The following ZNF429 variants were observed in gnomAD, a reference collection of about 807,000 sequenced individuals.
ZNF429 encodes the protein zinc finger protein 429.
ZNF429 carries 53 observed loss-of-function variants against 56.8 expected under a neutral mutation model. That is an observed-to-expected ratio of 0.93 (90% CI 0.75 to 1.17). ZNF429 has a LOEUF of 1.17. Among genes scored for constraint, ZNF429 ranks in the 50% most tolerant of loss-of-function variants. ZNF429 has a pLI of 0.00. For synonymous variants in ZNF429, 278 were observed against 264.7 expected, an observed-to-expected ratio of 1.05 and a Z score of -0.49; for missense variants, 849 against 788.4, an observed-to-expected ratio of 1.08 and a Z score of -0.92.
At position 21,537,877 on chromosome 19, in the gene ZNF429, T is replaced by TA. The variant is rs1284686163; in HGVS notation, c.1825dup (p.Thr609AsnfsTer4). 3.7e-6 allele frequency: 6 copies of TA among 1,613,898 alleles called. No individual in the cohort carries two copies. The African/African-American group carries it at 5.3e-5, about 14-fold the overall frequency. On this transcript the variant is annotated frameshift_variant, in exon 4 of 4. Coordinates refer to ENST00000358491, the MANE Select transcript of ZNF429 (RefSeq NM_001001415.4). LOFTEE classifies it high-confidence loss of function. ...AAGCTTTTAATCGGTCCTCAAGACT[T>TA]ACTCAACATAAGAAAATTCATACTA...
Position 21,536,575 on chromosome 19 carries a change from G to T in ZNF429, c.522G>T (p.Gln174His). Residue 174 changes from glutamine to histidine, a missense_variant, in exon 4 of 4, where the codon CAG (glutamine) becomes CAT (histidine). Gln to His is a conservative substitution (Grantham distance 24). Transcript: ENST00000358491. ...KTRHTGKKPF[Q>H]CKKCGKSFCM... ...GACATACTGGAAAGAAACCTTTCCA[G>T]TGTAAAAAATGTGGCAAATCATTTT... 2 of 1,613,496 alleles carry T rather than the reference G, an allele frequency of 1.2e-6. No homozygotes were observed. The highest frequency in any genetic ancestry group is 1.7e-6 in the Non-Finnish European group (2 of 1,179,822).
At chr19:21,516,352 G>T (rs906656942) in intron 1 of ZNF429, among the ~76,000 whole-genome samples, 3 of 152,074 alleles carry the variant, frequency 2.0e-5, no homozygotes, top group African/African-American at 7.2e-5. Flanking sequence ...CTCCCAAAGT[G>T]CTGGGATTAC....
At chr19:21,522,111 A>G (rs945777761) in intron 1 of ZNF429, among the ~76,000 whole-genome samples, 1 of 152,226 alleles carries the variant, frequency 6.6e-6, no homozygotes, top group African/African-American at 2.4e-5. Flanking sequence ...TAAAATGTAA[A>G]TAGCCAAAAA....
rs772325305 is a variant in ZNF429 at position 21,536,637 on chromosome 19, A to C, written c.584A>C (p.His195Pro). The C allele has an allele frequency of 3.7e-6, 6 of 1,613,828 alleles. No homozygotes were observed. In the South Asian group the frequency reaches 6.6e-5, roughly 18 times the overall value. Residue 195 changes from histidine (H) to proline (P), a missense_variant, in exon 4 of 4, where the codon CAT becomes CCT. Physicochemically the swap from His to Pro is moderately conservative, Grantham distance 77. Transcript: ENST00000358491. The stretch of plus-strand genomic sequence containing the variant: ...CAACTAACTCAACATAAGAAAATTC[A>C]TATTAGAGAGAATACCTACAGATGT... The part of the protein sequence containing the change: ...LSQLTQHKKI[H>P]IRENTYRCKE...
chr19:21,508,209 C>T (rs919390430), intron 1 of ZNF429, among the ~76,000 whole-genome samples: 1 of 151,322 alleles, frequency 6.6e-6, no homozygotes, highest in Non-Finnish European at 1.5e-5. Context: ...TGCCATTGCA[C>T]TCCAGCCTGT....
intron 1 of ZNF429, among the ~76,000 whole-genome samples, chr19:21,513,450 C>T (rs1056186469): frequency 1.3e-5 from 2 of 152,132 alleles, no homozygotes; most frequent in African/African-American, 4.8e-5. Flanking sequence ...AATTTTTAAA[C>T]AGCTCAGAAG....
rs944607849 is a variant in ZNF429, at chr19:21,537,790, C to T, written c.1737C>T (p.Asn579=). Residue 579 remains asparagine (N), a synonymous_variant, in exon 4 of 4, where the codon AAC becomes AAT. Transcript: ENST00000358491. ...ACAAAGCTTTTACCCACTCCTCAAACCTTAGTAGTCATAAGAAAATTCATA... is the reference window on the plus strand; with the variant it reads ...ACAAAGCTTTTACCCACTCCTCAAATCTTAGTAGTCATAAGAAAATTCATA... The part of the protein sequence containing the change: ...QCDKAFTHSS[N]LSSHKKIHSG... The T allele has an allele frequency of 1.9e-6, 3 of 1,608,764 alleles. No individual in the cohort carries two copies. The highest frequency in any genetic ancestry group is 2.5e-6 in the Non-Finnish European group (3 of 1,178,650).
chr19:21,511,982 C>A (rs1039189149), intron 1 of ZNF429, among the ~76,000 whole-genome samples: 1 of 152,114 alleles, frequency 6.6e-6, no homozygotes. Context: ...CAGGCTGAGG[C>A]AGGAGAATCA....
intron 1 of ZNF429, among the ~76,000 whole-genome samples, chr19:21,523,320 G>A (rs2145447849): frequency 6.6e-6 from 1 of 152,260 alleles, no homozygotes; most frequent in African/African-American, 2.4e-5. Flanking sequence ...CCTCTTTTTA[G>A]GTCGGGGCGA....
intron 3 of ZNF429, 52 bp from the exon 4 acceptor site, chr19:21,536,228 A>G: frequency 2.5e-5 from 37 of 1,505,466 alleles, no homozygotes; most frequent in Admixed American, 4.6e-5. Context: ...TGTGACGTAT[A>G]TATATCTGAG....
In ZNF429 at chr19:21,536,783, C is replaced by G. The variant is rs190803666; in HGVS notation, c.730C>G (p.Leu244Val). 1 of 1,613,470 alleles carries G rather than the reference C, an allele frequency of 6.2e-7. No individual in the cohort carries two copies. The highest frequency in any genetic ancestry group is 1.3e-5 in the African/African-American group (1 of 74,892). ...CAAAGCATTTAACCACTACTCAACCCTTACTAACCATAAGAGAATTCATAC... is the reference window on the plus strand; with the variant it reads ...CAAAGCATTTAACCACTACTCAACCGTTACTAACCATAAGAGAATTCATAC... ...CGKAFNHYST[L>V]TNHKRIHTGE... The change falls in exon 4 of 4, where the codon CTT (leucine) becomes GTT (valine). Residue 244 changes from leucine to valine, a missense_variant. Physicochemically the swap from Leu to Val is conservative, Grantham distance 32 (BLOSUM62 1). Transcript: ENST00000358491.
rs1346511776 is a variant in ZNF429, at chr19:21,536,289, C to G, written c.236C>G (p.Ser79Cys). The change falls in exon 4 of 4, where the codon TCT becomes TGT. Residue 79 changes from serine (S) to cysteine (C), a missense_variant. Coordinates refer to ENST00000358491, the MANE Select transcript of ZNF429 (RefSeq NM_001001415.4). ...TTTAATTTTATTTTAGTTGTGTGTT[C>G]TCATTTTGCTGAAGACTTTTGGCCA... ...EMVDEPPVVCSHFAEDFWPEQ... is the reference protein window; with the variant it reads ...EMVDEPPVVCCHFAEDFWPEQ... 6.4e-7 allele frequency: 1 copy of G among 1,568,998 alleles called. No individual in the cohort carries two copies. Among genetic ancestry groups the G allele is most frequent in the South Asian group, 1.2e-5 (1 of 84,588 alleles).
chr19:21,535,296 C>CTTCTTTCTTTCTTTCTTTCTTTCTT, intron 3 of ZNF429, among the ~76,000 whole-genome samples: 1 of 82,548 alleles, frequency 1.2e-5, no homozygotes, highest in South Asian at 4.4e-4. Context: ...CATTTCTTTC[C>CTTCTTTCTTTCTTTCTTTCTTTCTT]TTCTTTCTTT....
Position 21,529,770 on chromosome 19 carries a change from A to T in ZNF429, c.116A>T (p.Asn39Ile). The change falls in exon 2 of 4, where the codon AAC (asparagine) becomes ATC (isoleucine). Residue 39 changes from asparagine to isoleucine, a missense_variant. Transcript: ENST00000358491. ...YRNVMLENYR[N>I]LVFLGIAVSK... ...AATGTGATGTTAGAGAACTACAGAA[A>T]CTTGGTCTTCCTGGGTGAGAATAAC... 2 of 1,585,684 alleles carry T rather than the reference A, an allele frequency of 1.3e-6. No homozygotes were observed. The highest frequency in any genetic ancestry group is 1.7e-6 in the Non-Finnish European group (2 of 1,165,772).
chr19:21,527,203 C>T (rs927553289), intron 1 of ZNF429, among the ~76,000 whole-genome samples: 1 of 152,180 alleles, frequency 6.6e-6, no homozygotes, highest in African/African-American at 2.4e-5. Flanking sequence ...GTTTAAAACA[C>T]TCATTTTGGA....
At chr19:21,516,303 G>A (rs540330506) in intron 1 of ZNF429, among the ~76,000 whole-genome samples, 24 of 152,144 alleles carry the variant, frequency 1.6e-4, no homozygotes, top group Non-Finnish European at 2.4e-4. Context: ...TAGCCAGGAT[G>A]GCTTCAATCC....
In ZNF429 at chr19:21,528,722, A is replaced by T. The variant is rs537520362; in HGVS notation, c.4-936A>T. Among the ~76,000 whole-genome samples the T allele has an allele frequency of 2.1e-4, 32 of 152,252 alleles. No homozygotes were observed. The South Asian group carries it at 6.4e-3, about 31-fold the overall frequency. ...TCCGTCTCAAAAAAAAGAAAAAAAAAATTACAGAACCCATGAGTCATCAGT... is the reference window on the plus strand; with the variant it reads ...TCCGTCTCAAAAAAAAGAAAAAAAATATTACAGAACCCATGAGTCATCAGT... On this transcript the variant is annotated intron_variant, in intron 1 of 3. Coordinates refer to ENST00000358491, the MANE Select transcript of ZNF429 (RefSeq NM_001001415.4).
Position 21,530,564 on chromosome 19 carries a change from ATCT to A in ZNF429, c.131-20_131-18del. The A allele has an allele frequency of 1.6e-5, 24 of 1,544,662 alleles. 1 individual carries two copies. The South Asian group carries it at 2.4e-4, about 15-fold the overall frequency. The stretch of plus-strand genomic sequence containing the variant: ...TAATTACAGAATATAAGCAAGATTC[ATCT>A]TCTTTATTTTTAATAAAACAGGTAT... On this transcript the variant is annotated intron_variant, in intron 2 of 3. Coordinates refer to ENST00000358491, the MANE Select transcript of ZNF429 (RefSeq NM_001001415.4).
chr19:21,519,463 A>G (rs1226374802), intron 1 of ZNF429, among the ~76,000 whole-genome samples: 2 of 152,250 alleles, frequency 1.3e-5, no homozygotes, highest in Non-Finnish European at 2.9e-5. Context: ...AAGCCTAGGT[A>G]ACAGCCATCT....
Sources: allele counts gnomAD v4.1 joint callset (sites outside exome capture counted in the v4.1 genomes callset), GRCh38; gene constraint gnomAD v4.1.1; transcripts MANE v1.5; gene names NCBI Gene and HGNC (gene_info 2026-07-23, HGNC 2026-07-21).